Variants in EPM2A observed in about 807,000 individuals in gnomAD.
The protein encoded by EPM2A is laforin.
Under a neutral mutation model 26.5 loss-of-function variants are expected in EPM2A, and 21 were observed. The observed-to-expected ratio is 0.79, with a 90% CI of 0.56 to 1.14. The LOEUF (loss-of-function observed/expected upper bound fraction) is 1.14. EPM2A is among the 50% of genes most tolerant of loss of function. EPM2A has a pLI of 0.00. For missense variants in EPM2A, 458 were observed against 440.8 expected (o/e 1.04, Z -0.35); for synonymous variants, 217 against 177.6 (o/e 1.22, Z -1.76).
rs182101801 is a variant in EPM2A at position 145,528,346 on chromosome 6, G to A, written c.341-25771C>T. Among the ~76,000 whole-genome samples the A allele has an allele frequency of 2.0e-5, 3 of 152,280 alleles. No individual in the cohort carries two copies. The East Asian group carries it at 5.8e-4, about 29-fold the overall frequency. ...GCCATGTAGAACTTTCATAGCTGGAGAGGACAGGTCAATGCTTGGCTTCAA... is the reference window on the plus strand; with the variant it reads ...GCCATGTAGAACTTTCATAGCTGGAAAGGACAGGTCAATGCTTGGCTTCAA... On this transcript the variant is annotated intron_variant, in intron 2 of 3. Transcript: ENST00000450221.
In EPM2A at chr6:145,625,535, C is replaced by G; in HGVS notation, c.*1881G>C. 5 of 606,974 alleles carry G rather than the reference C, an allele frequency of 8.2e-6. No individual in the cohort carries two copies. The highest frequency in any genetic ancestry group is 5.2e-5 in the Admixed American group (2 of 38,398). 37.6% of individuals were successfully genotyped at this position (606,974 alleles called of 1,614,324 possible). On this transcript the variant is annotated 3_prime_UTR_variant, in exon 4 of 4. Coordinates refer to ENST00000367519, the MANE Select transcript of EPM2A (RefSeq NM_005670.4). ...TTAGACATTAAAGAAATTCACAGACCCACATAGTTTAAAAATTTAATTTTT... is the reference window on the plus strand; with the variant it reads ...TTAGACATTAAAGAAATTCACAGACGCACATAGTTTAAAAATTTAATTTTT...
At chr6:145,435,749 T>C (rs527350000) in intron 4 of EPM2A, among the ~76,000 whole-genome samples, 1 of 152,236 alleles carries the variant, frequency 6.6e-6, no homozygotes, top group South Asian at 2.1e-4. Context: ...TTTTTTTTTG[T>C]ATCTGGCTTC....
At position 145,627,618 on chromosome 6, in the gene EPM2A, T is replaced by G; in HGVS notation, c.794A>C (p.His265Pro). The change falls in exon 4 of 4, where the codon CAC becomes CCC. Residue 265 changes from histidine (H) to proline (P), a missense_variant. By Grantham distance (77) the His-to-Pro change is moderately conservative (BLOSUM62 -2). Coordinates refer to ENST00000367519, the MANE Select transcript of EPM2A (RefSeq NM_005670.4). ...LLEKGHIVYV[H>P]CNAGVGRSTA... ...GGAGCGGCCCACCCCAGCGTTGCAG[T>G]GCACGTACACGATGTGTCCCTTCTC... 6.2e-7 allele frequency: 1 copy of G among 1,614,204 alleles called. No homozygotes were observed. Among genetic ancestry groups the G allele is most frequent in the Non-Finnish European group, 8.5e-7 (1 of 1,180,034 alleles).
chr6:145,547,230 T>C (rs1780593709), intron 2 of EPM2A, among the ~76,000 whole-genome samples: 6 of 152,144 alleles, frequency 3.9e-5, no homozygotes. Flanking sequence ...TGGAAAGCAT[T>C]GTCCACTAAG....
chr6:145,553,843 A>C (rs1780686555), intron 2 of EPM2A, among the ~76,000 whole-genome samples: 1 of 147,804 alleles, frequency 6.8e-6, no homozygotes, highest in Admixed American at 6.8e-5. Flanking sequence ...ATATAGTAAT[A>C]TATATGTATA....
In EPM2A at chr6:145,735,392, C is replaced by T; in HGVS notation, c.107G>A (p.Gly36Asp). ...GCCGGCCGGCCTCAGGCGGACGGCA[C>T]CGCGCGGCTCCCAACGCCCCAGCTC... ...RPELGRWEPR[G>D]AVRLRPAGTA... Residue 36 changes from glycine to aspartate, a missense_variant, in exon 1 of 4, where the codon GGT becomes GAT. Coordinates refer to ENST00000367519, the MANE Select transcript of EPM2A (RefSeq NM_005670.4). 4 of 1,232,708 alleles carry T rather than the reference C, an allele frequency of 3.2e-6. No individual in the cohort carries two copies. The highest frequency in any genetic ancestry group is 3.7e-5 in the Admixed American group (1 of 26,878). 76.4% of individuals were successfully genotyped at this position (1,232,708 alleles called of 1,614,324 possible).
chr6:145,605,707 C>T (rs147661465), intron 2 of EPM2A, among the ~76,000 whole-genome samples: 74 of 152,182 alleles, frequency 4.9e-4, no homozygotes, highest in Non-Finnish European at 9.6e-4. Flanking sequence ...GAATGGGGTT[C>T]CTTGGTATCA....
chr6:145,549,931 C>A (rs934350397), intron 2 of EPM2A, among the ~76,000 whole-genome samples: 3 of 152,058 alleles, frequency 2.0e-5, no homozygotes, highest in African/African-American at 7.2e-5. Context: ...ATCTATAATA[C>A]CTGAGCAAGA....
chr6:145,506,907 G>C (rs76163682), intron 2 of EPM2A, among the ~76,000 whole-genome samples: 1 of 152,156 alleles, frequency 6.6e-6, no homozygotes. Flanking sequence ...CAAGCAAATA[G>C]GGTCCAGGAT....
chr6:145,488,923 G>A (rs1400042655), intron 4 of EPM2A, among the ~76,000 whole-genome samples: 1 of 152,144 alleles, frequency 6.6e-6, no homozygotes, highest in African/African-American at 2.4e-5. Context: ...ACTCGTGGTT[G>A]TTATTATAGG....
intron 1 of EPM2A, among the ~76,000 whole-genome samples, chr6:145,711,862 T>C (rs1775346789): frequency 6.6e-6 from 1 of 152,076 alleles, no homozygotes; most frequent in Admixed American, 6.6e-5. Flanking sequence ...TCACAGAAAA[T>C]GCATACGTGG....
chr6:145,714,400 C>T (rs577664638), intron 1 of EPM2A, among the ~76,000 whole-genome samples: 48 of 152,212 alleles, frequency 3.2e-4, no homozygotes, highest in African/African-American at 1.2e-3. Context: ...ACTACTATAG[C>T]GAAGTGATAT....
At chr6:145,671,868 A>T (rs1779671345) in intron 2 of EPM2A, among the ~76,000 whole-genome samples, 1 of 152,208 alleles carries the variant, frequency 6.6e-6, no homozygotes, top group Admixed American at 6.5e-5. Flanking sequence ...AAACTGTAAC[A>T]TTTTTGAAAG....
At chr6:145,649,348 A>G (rs1031297026) in intron 2 of EPM2A, among the ~76,000 whole-genome samples, 1 of 152,226 alleles carries the variant, frequency 6.6e-6, no homozygotes, top group African/African-American at 2.4e-5. Context: ...CATTGTGAGA[A>G]TAAATGAAAT....
chr6:145,451,855 C>T (rs1271453315), intron 4 of EPM2A, among the ~76,000 whole-genome samples: 1 of 148,924 alleles, frequency 6.7e-6, no homozygotes, highest in Non-Finnish European at 1.5e-5. Context: ...AAACACATAT[C>T]AGCACAGTAA....
intron 2 of EPM2A, among the ~76,000 whole-genome samples, chr6:145,519,424 G>T (rs1021373360): frequency 6.6e-6 from 1 of 152,128 alleles, no homozygotes; most frequent in Non-Finnish European, 1.5e-5. Context: ...GAATAGAGCC[G>T]CTAATGTTTT....
intron 4 of EPM2A, among the ~76,000 whole-genome samples, chr6:145,478,401 A>G (rs536553106): frequency 6.6e-6 from 1 of 152,034 alleles, no homozygotes; most frequent in South Asian, 2.1e-4. Context: ...TACCAATGAC[A>G]TTCTTCAAAT....
At chr6:145,389,480 C>T (rs1778309255) in intron 4 of EPM2A, among the ~76,000 whole-genome samples, 1 of 152,164 alleles carries the variant, frequency 6.6e-6, no homozygotes, top group Admixed American at 6.5e-5. Flanking sequence ...ATGTGAGTCA[C>T]CTCGCCTGGC....
chr6:145,676,894 A>T (rs561120795), intron 2 of EPM2A, among the ~76,000 whole-genome samples: 2 of 152,278 alleles, frequency 1.3e-5, no homozygotes, highest in East Asian at 3.9e-4. Flanking sequence ...ATTCCAATCA[A>T]TATAAAAAAA....
Sources: gnomAD v4.1 joint callset for allele counts (sites outside exome capture counted in the v4.1 genomes callset) on GRCh38, gnomAD v4.1.1 for gene constraint, MANE v1.5 for transcripts, NCBI Gene and HGNC (gene_info 2026-07-23, HGNC 2026-07-21) for gene names.